Variants in DAB1 observed in about 807,000 individuals in gnomAD.
DAB1 encodes disabled homolog 1.
DAB1 carries 15 observed loss-of-function variants against 64.6 expected under a neutral mutation model. The observed-to-expected ratio is 0.23, with a 90% CI of 0.16 to 0.36. The LOEUF (loss-of-function observed/expected upper bound fraction) is 0.36, where lower values mean the gene tolerates loss of function less well. DAB1 is among the 10% of genes least tolerant of loss of function. DAB1 has a pLI of 1.00. For synonymous variants in DAB1, 235 were observed against 251.9 expected (o/e 0.93, Z 0.64); for missense variants, 596 against 706.7 (o/e 0.84, Z 1.78).
chr1:57,631,612 G>A (rs758235073), intron 7 of DAB1, among the ~76,000 whole-genome samples: 2 of 152,088 alleles, frequency 1.3e-5, no homozygotes, highest in South Asian at 2.1e-4. Context: ...ATATGTTTTT[G>A]TATTTGAAGT....
At chr1:57,552,694 G>A (rs1388903563) in intron 7 of DAB1, among the ~76,000 whole-genome samples, 1 of 152,172 alleles carries the variant, frequency 6.6e-6, no homozygotes, top group East Asian at 1.9e-4. Flanking sequence ...GAGCAGTGTA[G>A]TGAGGGTTGA....
chr1:57,961,800 C>T (rs558227391), intron 5 of DAB1, among the ~76,000 whole-genome samples: 1 of 151,920 alleles, frequency 6.6e-6, no homozygotes, highest in Non-Finnish European at 1.5e-5. Context: ...GAAACCCCAT[C>T]TCTACTAAAA....
chr1:57,317,539 A>T (rs1161813990), intron 1 of DAB1, among the ~76,000 whole-genome samples: 1 of 152,166 alleles, frequency 6.6e-6, no homozygotes, highest in Non-Finnish European at 1.5e-5. Flanking sequence ...ATTGAAAATC[A>T]CAGCTCACTT....
intron 3 of DAB1, among the ~76,000 whole-genome samples, chr1:58,465,199 C>T (rs1460498227): frequency 6.6e-6 from 1 of 152,174 alleles, no homozygotes; most frequent in Non-Finnish European, 1.5e-5. Flanking sequence ...TGAATGCAAA[C>T]TAGAACACTG....
intron 2 of DAB1, among the ~76,000 whole-genome samples, chr1:57,263,469 G>A (rs1258760638): frequency 2.0e-5 from 3 of 152,074 alleles, no homozygotes; most frequent in African/African-American, 4.8e-5. Context: ...GTGAAATGAC[G>A]TATATAAAAT....
intron 11 of DAB1, among the ~76,000 whole-genome samples, chr1:57,018,828 T>G (rs1045031063): frequency 7.9e-5 from 12 of 152,162 alleles, no homozygotes; most frequent in Admixed American, 5.2e-4. Flanking sequence ...TTCCACCTCT[T>G]CATCACTATC....
At chr1:57,053,098 G>A (rs879499321) in intron 9 of DAB1, among the ~76,000 whole-genome samples, 7 of 152,124 alleles carry the variant, frequency 4.6e-5, no homozygotes, top group East Asian at 1.9e-4. Flanking sequence ...TGTCAGTAGC[G>A]GATGGCCGCT....
At chr1:58,111,880 A>G (rs976144806) in intron 5 of DAB1, among the ~76,000 whole-genome samples, 11 of 152,174 alleles carry the variant, frequency 7.2e-5, no homozygotes, top group Admixed American at 1.3e-4. Context: ...GTTTTTAGGA[A>G]GTTGTACCAG....
chr1:57,685,282 A>T (rs1646682792), intron 6 of DAB1, among the ~76,000 whole-genome samples: 1 of 151,666 alleles, frequency 6.6e-6, no homozygotes, highest in Non-Finnish European at 1.5e-5. Flanking sequence ...TAGATAAAAC[A>T]GACTTTAAAT....
At chr1:57,135,582 T>C (rs570060516) in intron 4 of DAB1, among the ~76,000 whole-genome samples, 10 of 152,338 alleles carry the variant, frequency 6.6e-5, no homozygotes, top group African/African-American at 2.2e-4. Flanking sequence ...CAAATATCCA[T>C]TCTATTACTA....
chr1:57,062,496 A>G (rs1294701959), intron 9 of DAB1, among the ~76,000 whole-genome samples: 1 of 152,114 alleles, frequency 6.6e-6, no homozygotes, highest in Non-Finnish European at 1.5e-5. Flanking sequence ...GAGTGAGAAA[A>G]TGGATATTGG....
At chr1:57,657,701 C>T (rs1432775320) in intron 6 of DAB1, among the ~76,000 whole-genome samples, 4 of 152,114 alleles carry the variant, frequency 2.6e-5, no homozygotes, top group African/African-American at 9.7e-5. Flanking sequence ...GACCCTTTAC[C>T]TCCACCCCAA....
chr1:57,085,455 T>C (rs1407522824), intron 4 of DAB1, among the ~76,000 whole-genome samples: 1 of 152,240 alleles, frequency 6.6e-6, no homozygotes, highest in African/African-American at 2.4e-5. Flanking sequence ...CCAGCTCTGA[T>C]GTGCCCCCAG....
At chr1:57,326,668 G>A (rs1311567664) in intron 1 of DAB1, among the ~76,000 whole-genome samples, 1 of 152,326 alleles carries the variant, frequency 6.6e-6, no homozygotes, top group East Asian at 1.9e-4. Context: ...AGTTCCTGAT[G>A]AGGGTCTTTT....
intron 6 of DAB1, among the ~76,000 whole-genome samples, chr1:57,759,066 G>A (rs780216073): frequency 7.2e-5 from 11 of 152,138 alleles, no homozygotes; most frequent in African/African-American, 1.7e-4. Flanking sequence ...AGACATCTCC[G>A]GAGGTGGAAG....
Position 58,182,424 on chromosome 1 carries a change from T to C in DAB1, n.310-31836A>G, listed in dbSNP as rs1656844595. Among the ~76,000 whole-genome samples, 4 of 152,046 alleles carry C rather than the reference T, an allele frequency of 2.6e-5. 1 individual carries two copies. In the South Asian group the frequency reaches 8.3e-4, roughly 32 times the overall value. The stretch of plus-strand genomic sequence containing the variant: ...TTGCTTATGAGACTCCCATGAAACA[T>C]ATGTTGCTGTGCTTAATGGTGTCCT... On this transcript the variant is annotated intron_variant and non_coding_transcript_variant, in intron 4 of 20. Transcript: ENST00000485760.
rs541273777 is a variant in DAB1 at position 58,169,927 on chromosome 1, G to C, written n.310-19339C>G. Among the ~76,000 whole-genome samples, 5 of 152,286 alleles carry C rather than the reference G, an allele frequency of 3.3e-5. No individual in the cohort carries two copies. The South Asian group carries it at 8.3e-4, about 25-fold the overall frequency. ...TTTGAAGCAGATCAAGGCAGACTTG[G>C]GGAAGTTTTCAGATGATCCTGATAG... On this transcript the variant is annotated intron_variant and non_coding_transcript_variant, in intron 4 of 20. Transcript: ENST00000485760.
intron 4 of DAB1, among the ~76,000 whole-genome samples, chr1:57,123,204 T>C (rs1656821534): frequency 6.6e-6 from 1 of 152,112 alleles, no homozygotes; most frequent in East Asian, 1.9e-4. Context: ...TATGGGAATA[T>C]TGGCAGTCCA....
At chr1:58,040,078 A>G (rs1309394923) in intron 5 of DAB1, among the ~76,000 whole-genome samples, 39 of 152,186 alleles carry the variant, frequency 2.6e-4, no homozygotes, top group Admixed American at 2.6e-3. Context: ...TCTCCAACCA[A>G]ATTAATTGAT....
Sources: allele counts gnomAD v4.1 joint callset (sites outside exome capture counted in the v4.1 genomes callset), GRCh38; gene constraint gnomAD v4.1.1; transcripts MANE v1.5; gene names NCBI Gene and HGNC (gene_info 2026-07-23, HGNC 2026-07-21).